RBM45: variants seen among roughly 807,000 people sequenced by gnomAD.
RBM45 encodes the protein RNA binding motif protein 45.
A neutral mutation model predicts 58.5 loss-of-function variants in RBM45; 39 were observed. The observed-to-expected ratio is 0.67, with a 90% CI of 0.52 to 0.87. The LOEUF (loss-of-function observed/expected upper bound fraction) is 0.87, where lower values mean the gene tolerates loss of function less well. RBM45 is among the 40% of genes least tolerant of loss of function. RBM45 has a pLI of 0.00. For synonymous variants in RBM45, 193 were observed against 203.0 expected (o/e 0.95, Z 0.42); for missense variants, 481 against 581.6 (o/e 0.83, Z 1.78).
intron 2 of RBM45, 33 bp from the exon 3 acceptor site, chr2:178,118,022 G>A: frequency 6.7e-7 from 1 of 1,500,106 alleles, no homozygotes; most frequent in Non-Finnish European, 8.9e-7. Context: ...TTAATTTTAA[G>A]TCCCCTAAAA....
intron 1 of RBM45, among the ~76,000 whole-genome samples, chr2:178,114,585 TTC>T (rs1222591024): frequency 1.3e-5 from 2 of 152,070 alleles, no homozygotes; most frequent in Non-Finnish European, 2.9e-5. Flanking sequence ...ACAGTCTAGT[TTC>T]TGTTTCTTTT....
At chr2:178,124,371 C>A in intron 8 of RBM45, 81 bp downstream of exon 8, 1 of 828,794 alleles carries the variant, frequency 1.2e-6, no homozygotes, top group Non-Finnish European at 1.8e-6. Context: ...TTCCTTCACC[C>A]AGTACCTATC....
At chr2:178,116,775 T>A (rs2087782551) in intron 2 of RBM45, among the ~76,000 whole-genome samples, 1 of 151,994 alleles carries the variant, frequency 6.6e-6, no homozygotes, top group South Asian at 2.1e-4. Context: ...CACGCTTTTA[T>A]CACTCCCCTC....
intron 2 of RBM45, among the ~76,000 whole-genome samples, chr2:178,116,958 G>A (rs1449745151): frequency 6.6e-6 from 1 of 152,052 alleles, no homozygotes; most frequent in Non-Finnish European, 1.5e-5. Flanking sequence ...ATTTAAAGAA[G>A]AAAACGTAAA....
intron 3 of RBM45, among the ~76,000 whole-genome samples, chr2:178,135,956 T>C (rs775658780): frequency 1.5e-4 from 23 of 152,174 alleles, no homozygotes; most frequent in Admixed American, 8.5e-4. Context: ...AGAATCCCAG[T>C]AAGGGGTAGG....
At chr2:178,123,698 T>C in intron 6 of RBM45, 47 bp downstream of exon 6, 1 of 1,588,460 alleles carries the variant, frequency 6.3e-7, no homozygotes, top group Non-Finnish European at 8.6e-7. Flanking sequence ...TGAGTGTACA[T>C]GATTGATAGG....
rs1463239244 is a variant in RBM45 at position 178,120,272 on chromosome 2, A to T, written c.551-15A>T. On this transcript the variant is annotated splice_polypyrimidine_tract_variant and intron_variant, in intron 3 of 9. Coordinates refer to ENST00000286070, the MANE Select transcript of RBM45 (RefSeq NM_152945.4). ...AAATTTGCTGTGAAACTTGAAATTC[A>T]TGGGGTTTTTTCAGGTTTTAGAGCA... 6.2e-7 allele frequency: 1 copy of T among 1,611,704 alleles called. No individual in the cohort carries two copies. Among genetic ancestry groups the T allele is most frequent in the Non-Finnish European group, 8.5e-7 (1 of 1,179,194 alleles).
At chr2:178,120,475 G>T in intron 4 of RBM45, 66 bp downstream of exon 4, 1 of 1,417,430 alleles carries the variant, frequency 7.1e-7, no homozygotes, top group East Asian at 2.4e-5. Context: ...GGGTTTTAAA[G>T]AATACTCTGT....
chr2:178,117,034 G>A lies in RBM45; in HGVS notation c.423+650G>A, dbSNP rs570319835. On this transcript the variant is annotated intron_variant, in intron 2 of 9. Coordinates refer to ENST00000286070, the MANE Select transcript of RBM45 (RefSeq NM_152945.4). Reference sequence around the variant, plus strand: ...TATGTCTTTTTAGCCATTAACTTATGCAGTGATGAGCTTTCACACAAATTA... The same window carrying A: ...TATGTCTTTTTAGCCATTAACTTATACAGTGATGAGCTTTCACACAAATTA... 5.9e-5 allele frequency among the ~76,000 whole-genome samples: 9 copies of A among 152,204 alleles called. No homozygotes were observed. In the South Asian group the frequency reaches 1.9e-3, roughly 32 times the overall value.
chr2:178,112,602 G>T lies in RBM45; in HGVS notation c.56G>T (p.Ser19Ile). The T allele has an allele frequency of 6.2e-7, 1 of 1,613,494 alleles. No homozygotes were observed. Among genetic ancestry groups the T allele is most frequent in the Non-Finnish European group, 8.5e-7 (1 of 1,180,004 alleles). Reference protein sequence around the residue: ...SGGGFRPGVDSLDEPPNSRIF... With the variant: ...SGGGFRPGVDILDEPPNSRIF... ...GGGGGCTTCCGCCCGGGCGTGGACAGCCTGGACGAACCGCCCAACAGCCGC... is the reference window on the plus strand; with the variant it reads ...GGGGGCTTCCGCCCGGGCGTGGACATCCTGGACGAACCGCCCAACAGCCGC... The change falls in exon 1 of 10, where the codon AGC becomes ATC. Residue 19 changes from serine to isoleucine, a missense_variant. Physicochemically the swap from Ser to Ile is moderately radical, Grantham distance 142. Transcript: ENST00000286070.
rs3067447 is a variant in RBM45, at chr2:178,127,994, CTTTTTTTTTTT to C, written c.*9-1385_*9-1375del. 2.3e-3 allele frequency among the ~76,000 whole-genome samples: 167 copies of C among 72,528 alleles called. 2 individuals are homozygous for C. Among genetic ancestry groups the C allele is most frequent in the Non-Finnish European group, 3.4e-3 (139 of 41,156 alleles). 47.6% of individuals were successfully genotyped at this position (72,528 alleles called of 152,430 possible). A position where few individuals can be genotyped will look rare whatever the true frequency, so the allele number is the denominator to read the frequency against. On this transcript the variant is annotated intron_variant, in intron 9 of 9. Coordinates refer to ENST00000286070, the MANE Select transcript of RBM45 (RefSeq NM_152945.4). ...CTGTGACTGGGCTGGTCTCTACGCC[CTTTTTTTTTTT>C]TTTTTTTTTTTTTTTTTAAACACAG... is the stretch of plus-strand genomic sequence containing the variant.
Position 178,112,449 on chromosome 2 carries a change from G to C in RBM45, c.-98G>C, listed in dbSNP as rs1241117930. 1.7e-6 allele frequency: 2 copies of C among 1,198,294 alleles called. No individual in the cohort carries two copies. The highest frequency in any genetic ancestry group is 3.0e-5 in the African/African-American group (2 of 65,772). 74.2% of individuals were successfully genotyped at this position (1,198,294 alleles called of 1,614,324 possible). A position where few individuals can be genotyped will look rare whatever the true frequency, so the allele number is the denominator to read the frequency against. The stretch of plus-strand genomic sequence containing the variant: ...CGGACTCCTCTTTCTCCCGGAAGCG[G>C]AGCACCGAGCCGGCAAAGGCTTGGG... On this transcript the variant is annotated 5_prime_UTR_variant, in exon 1 of 10. Transcript: ENST00000286070.
At chr2:178,122,234 G>C (rs910311495) in intron 5 of RBM45, among the ~76,000 whole-genome samples, 1 of 150,374 alleles carries the variant, frequency 6.7e-6, no homozygotes, top group Admixed American at 6.6e-5. Flanking sequence ...AAATCTAAGG[G>C]GTTTTTTTTT....
chr2:178,112,523 G>C lies in RBM45; in HGVS notation c.-24G>C, dbSNP rs780490166. The C allele has an allele frequency of 6.2e-6, 10 of 1,601,166 alleles. No homozygotes were observed. The highest frequency in any genetic ancestry group is 1.3e-5 in the African/African-American group (1 of 74,674). ...CACCGCAGAAGCAAAGAGCAGTGAG[G>C]CTCCTGCATTCGGGTGGAGCACCAT... On this transcript the variant is annotated 5_prime_UTR_variant, in exon 1 of 10. Coordinates refer to ENST00000286070, the MANE Select transcript of RBM45 (RefSeq NM_152945.4).
In RBM45 at chr2:178,116,343, C is replaced by T; in HGVS notation, c.382C>T (p.Pro128Ser). The T allele has an allele frequency of 6.2e-7, 1 of 1,609,416 alleles. No homozygotes were observed. The highest frequency in any genetic ancestry group is 8.5e-7 in the Non-Finnish European group (1 of 1,178,506). ...ACTTACAAGAATCTTTGTTATGATA[C>T]CAAAGTCCTACACAGAAGAAGATCT... ...EELTRIFVMI[P>S]KSYTEEDLRE... is the part of the protein sequence containing the mutation. The change falls in exon 2 of 10, where the codon CCA becomes TCA. Residue 128 changes from proline to serine, a missense_variant. Pro to Ser is a moderately conservative substitution (Grantham distance 74, BLOSUM62 -1). Coordinates refer to ENST00000286070, the MANE Select transcript of RBM45 (RefSeq NM_152945.4).
At position 178,113,663 on chromosome 2, in the gene RBM45, C is replaced by T. The variant is rs183980281; in HGVS notation, c.300+817C>T. On this transcript the variant is annotated intron_variant, in intron 1 of 9. Transcript: ENST00000286070. ...CACAGTGCCTCACACAGGGTAAGCC[C>T]TCAATAATGTCCTTGTTATTGATCA... Among the ~76,000 whole-genome samples, 48 of 152,250 alleles carry T rather than the reference C, an allele frequency of 3.2e-4. No individual in the cohort carries two copies. The Middle Eastern group carries it at 0.01, about 32-fold the overall frequency.
chr2:178,137,512 A>T (rs886335028), exon 4 of RBM45: 1 of 152,228 alleles, frequency 6.6e-6, no homozygotes, highest in African/African-American at 2.4e-5. Flanking sequence ...ACTCTATAGC[A>T]AGGAAATGAG....
At chr2:178,113,222 T>C (rs2087728860) in intron 1 of RBM45, among the ~76,000 whole-genome samples, 1 of 152,126 alleles carries the variant, frequency 6.6e-6, no homozygotes, top group South Asian at 2.1e-4. Context: ...CCTTCCTCTC[T>C]CAGATGCCCA....
chr2:178,113,827 T>C (rs1485997636), intron 1 of RBM45, among the ~76,000 whole-genome samples: 1 of 152,228 alleles, frequency 6.6e-6, no homozygotes, highest in Non-Finnish European at 1.5e-5. Context: ...GTTGGTACTT[T>C]GCACAAAAAT....
Sources: gnomAD v4.1 joint callset for allele counts (sites outside exome capture counted in the v4.1 genomes callset) on GRCh38, gnomAD v4.1.1 for gene constraint, MANE v1.5 for transcripts, NCBI Gene and HGNC (gene_info 2026-07-23, HGNC 2026-07-21) for gene names.